The following LNX1 variants were observed in gnomAD, a reference collection of about 807,000 sequenced individuals.
LNX1 encodes the protein E3 ubiquitin-protein ligase LNX.
In LNX1, 54 loss-of-function variants were observed where a neutral mutation model predicts 68.4. The observed-to-expected ratio is 0.79, with a 90% CI of 0.63 to 0.99. The LOEUF (loss-of-function observed/expected upper bound fraction) is 0.99, where lower values mean the gene tolerates loss of function less well. Among genes scored for constraint, LNX1 ranks in the 50% least tolerant of loss-of-function variants. The pLI is 0.00. For missense variants in LNX1, 906 were observed against 926.4 expected (o/e 0.98, Z 0.29); for synonymous variants, 336 against 350.0 (o/e 0.96, Z 0.45).
In LNX1 at chr4:53,460,155, C is replaced by A. The variant is rs1477445929; in HGVS notation, c.*752G>T. 1.0e-5 allele frequency: 2 copies of A among 198,784 alleles called. No homozygotes were observed. The highest frequency in any genetic ancestry group is 2.1e-5 in the Non-Finnish European group (2 of 96,150). The allele number at this position is 198,784 out of a possible 1,614,324, so 12.3% of individuals were successfully genotyped here. ...ATCGCCTCATGACCATGTCTGTGAGCCAGGGTCAAGCTGGTTTGGCCTTCT... is the reference window on the plus strand; with the variant it reads ...ATCGCCTCATGACCATGTCTGTGAGACAGGGTCAAGCTGGTTTGGCCTTCT... On this transcript the variant is annotated 3_prime_UTR_variant, in exon 11 of 11. Transcript: ENST00000263925.
At chr4:53,498,327 G>A (rs556420271) in intron 5 of LNX1, among the ~76,000 whole-genome samples, 1 of 152,196 alleles carries the variant, frequency 6.6e-6, no homozygotes, top group Non-Finnish European at 1.5e-5. Context: ...AGAGGAGGTG[G>A]AGAAAGGGAA....
rs190005491 is a variant in LNX1 at position 53,611,628 on chromosome 4, T to G, written c.-215+4889A>C. On this transcript the variant is annotated intron_variant, in intron 2 of 3. Coordinates refer to the LNX1 transcript ENST00000504299. ...CCATCGTATTAGGTTGGGGCAAAAGTAATTGTGGTTTTTACCACTAAAATT... is the reference window on the plus strand; with the variant it reads ...CCATCGTATTAGGTTGGGGCAAAAGGAATTGTGGTTTTTACCACTAAAATT... Among the ~76,000 whole-genome samples, 617 of 152,256 alleles carry G rather than the reference T, an allele frequency of 4.1e-3. 3 individuals carry two copies. The highest frequency in any genetic ancestry group is 0.014 in the African/African-American group (593 of 41,562).
chr4:53,555,736 TAAGA>T (rs1189314698), intron 2 of LNX1, among the ~76,000 whole-genome samples: 2 of 152,150 alleles, frequency 1.3e-5, no homozygotes, highest in African/African-American at 4.8e-5. Flanking sequence ...TGGAAGCTTC[TAAGA>T]AAGTCAGATA....
chr4:53,461,507 T>C lies in LNX1; in HGVS notation c.1979A>G (p.Tyr660Cys), dbSNP rs768837817. 7.4e-6 allele frequency: 12 copies of C among 1,612,524 alleles called. No homozygotes were observed. The East Asian group carries it at 2.7e-4, about 36-fold the overall frequency. The change falls in exon 10 of 11, where the codon TAC becomes TGC. Residue 660 changes from tyrosine to cysteine, a missense_variant. Transcript: ENST00000263925. Reference sequence around the variant, plus strand: ...GATGAAAAAAGGTTTGTTTCCATTGTATTCTTCATAACCTCCTACAATGCA... The same window carrying C: ...GATGAAAAAAGGTTTGTTTCCATTGCATTCTTCATAACCTCCTACAATGCA... ...GFCIVGGYEE[Y>C]NGNKPFFIKS...
intron 2 of LNX1, among the ~76,000 whole-genome samples, chr4:53,570,547 G>T (rs1461475470): frequency 2.0e-5 from 3 of 150,192 alleles, no homozygotes; most frequent in Admixed American, 6.6e-5. Context: ...ATAGCATTGG[G>T]CGATATACCT....
chr4:53,461,824 C>T (rs1443140605), intron 9 of LNX1, among the ~76,000 whole-genome samples: 3 of 152,060 alleles, frequency 2.0e-5, no homozygotes, highest in Non-Finnish European at 4.4e-5. Context: ...ACTGACAGCC[C>T]TATTGTGTTC....
rs1389915730 is a variant in LNX1 at position 53,522,100 on chromosome 4, A to G, written c.381-13873T>C. On this transcript the variant is annotated intron_variant, in intron 2 of 10. Coordinates refer to ENST00000263925, the MANE Select transcript of LNX1 (RefSeq NM_001126328.3). ...AGAGCCACCACACCCAACTCTGCTC[A>G]GTTCTTTTTGTTTGGCAGACGAGGC... 3.3e-5 allele frequency among the ~76,000 whole-genome samples: 5 copies of G among 152,038 alleles called. 1 individual carries two copies. The highest frequency in any genetic ancestry group is 7.2e-5 in the African/African-American group (3 of 41,520).
chr4:53,543,104 TC>T (rs1389278618), intron 2 of LNX1, among the ~76,000 whole-genome samples: 1 of 152,220 alleles, frequency 6.6e-6, no homozygotes, highest in African/African-American at 2.4e-5. Flanking sequence ...CAAACAATTC[TC>T]CTGCCTCAGC....
At chr4:53,534,604 T>C (rs889308534) in intron 2 of LNX1, among the ~76,000 whole-genome samples, 17 of 152,230 alleles carry the variant, frequency 1.1e-4, no homozygotes, top group African/African-American at 3.4e-4. Flanking sequence ...GTCACACCAC[T>C]GTACTCTAGT....
intron 2 of LNX1, among the ~76,000 whole-genome samples, chr4:53,566,275 G>A (rs1205650386): frequency 6.6e-6 from 1 of 151,274 alleles, no homozygotes; most frequent in Non-Finnish European, 1.5e-5. Flanking sequence ...TCAAAGGGAA[G>A]CCCATCAGAC....
intron 6 of LNX1, among the ~76,000 whole-genome samples, chr4:53,491,275 A>G (rs1579400183): frequency 2.0e-5 from 1 of 49,566 alleles, no homozygotes; most frequent in African/African-American, 1.6e-4. Flanking sequence ...CAAAGTGAGA[A>G]AAAAAAAAAA....
At chr4:53,465,326 G>A (rs1162961036) in intron 9 of LNX1, among the ~76,000 whole-genome samples, 4 of 152,098 alleles carry the variant, frequency 2.6e-5, no homozygotes, top group South Asian at 2.1e-4. Context: ...TGAATAGTTC[G>A]TTATGATTAG....
intron 4 of LNX1, among the ~76,000 whole-genome samples, chr4:53,501,298 T>TG (rs1553932758): frequency 0.028 from 269 of 9,478 alleles, 8 homozygotes; most frequent in African/African-American, 0.052. Flanking sequence ...TTTTTTTTTT[T>TG]TGGGGGTGGG....
intron 2 of LNX1, among the ~76,000 whole-genome samples, chr4:53,566,148 C>T (rs1013842251): frequency 3.9e-5 from 6 of 151,928 alleles, no homozygotes; most frequent in African/African-American, 9.7e-5. Flanking sequence ...ATACAGAGAA[C>T]GGCACAAAGA....
intron 2 of LNX1, among the ~76,000 whole-genome samples, chr4:53,544,079 G>A (rs1223492158): frequency 1.3e-5 from 2 of 152,136 alleles, no homozygotes; most frequent in Non-Finnish European, 2.9e-5. Context: ...TTGAACCCTA[G>A]ACACCACACC....
At chr4:53,478,417 C>G (rs1428591581) in intron 8 of LNX1, 148 bp downstream of exon 8, 2 of 680,458 alleles carry the variant, frequency 2.9e-6, no homozygotes, top group African/African-American at 3.8e-5. Context: ...TATCTATACT[C>G]AAACCAATCA....
upstream of LNX1, among the ~76,000 whole-genome samples, chr4:53,594,993 C>T (rs543120108): frequency 3.1e-4 from 47 of 152,262 alleles, no homozygotes; most frequent in East Asian, 5.8e-3. Flanking sequence ...ATTACAGGTG[C>T]GAGCCACTTG....
chr4:53,496,036 G>A lies in LNX1; in HGVS notation c.1337C>T (p.Ala446Val), dbSNP rs1233131452. 1 of 1,612,866 alleles carries A rather than the reference G, an allele frequency of 6.2e-7. No homozygotes were observed. The highest frequency in any genetic ancestry group is 1.3e-5 in the African/African-American group (1 of 74,898). Reference protein sequence around the residue: ...DLRYGSPESAAHLIQASERRV... With the variant: ...DLRYGSPESAVHLIQASERRV... ...CCTCTGACTCACCTGAATCAGATGA[G>A]CCGCACTTTCTGGGCTGCCATATCG... Residue 446 changes from alanine (A) to valine (V), a missense_variant, in exon 6 of 11, where the codon GCT becomes GTT. Physicochemically the swap from Ala to Val is moderately conservative, Grantham distance 64. Transcript: ENST00000263925.
At chr4:53,644,875 A>G (rs2590770) in intron 1 of LNX1, among the ~76,000 whole-genome samples, 129,499 of 152,200 alleles carry the variant, frequency 0.85, 55,576 homozygotes, top group African/African-American at 0.96. Context: ...ATGTGGTAAC[A>G]GGGAGGAGGA....
Sources: allele counts gnomAD v4.1 joint callset (sites outside exome capture counted in the v4.1 genomes callset), GRCh38; gene constraint gnomAD v4.1.1; transcripts MANE v1.5; gene names NCBI Gene and HGNC (gene_info 2026-07-23, HGNC 2026-07-21).